Variants in SYT11 observed in about 807,000 individuals in gnomAD.
The protein encoded by SYT11 is synaptotagmin 11.
A neutral mutation model predicts 30.4 loss-of-function variants in SYT11; 12 were observed. The ratio of observed to expected loss-of-function variants is 0.39; its 90% CI spans 0.25 to 0.64. The LOEUF (loss-of-function observed/expected upper bound fraction) is 0.64, where lower values mean the gene tolerates loss of function less well. SYT11 is among the 30% of genes least tolerant of loss of function. The probability of loss-of-function intolerance (pLI) is 0.45; values close to 1 mark genes in which losing one functional copy is unlikely to be tolerated. For missense variants in SYT11, 412 were observed against 552.0 expected, an observed-to-expected ratio of 0.75 and a Z score of 2.54; for synonymous variants, 204 against 216.0, an observed-to-expected ratio of 0.94 and a Z score of 0.49.
intron 1 of SYT11, among the ~76,000 whole-genome samples, chr1:155,863,291 A>T (rs931719426): frequency 1.3e-5 from 2 of 152,000 alleles, no homozygotes; most frequent in African/African-American, 4.8e-5. Context: ...TCTCTAAAAA[A>T]AATTTTTTTT....
In SYT11 at chr1:155,868,681, C is replaced by T. The variant is rs1435097534; in HGVS notation, c.751C>T (p.Arg251Cys). The T allele has an allele frequency of 3.1e-6, 5 of 1,614,220 alleles. No homozygotes were observed. Among genetic ancestry groups the T allele is most frequent in the Non-Finnish European group, 4.2e-6 (5 of 1,180,040 alleles). Residue 251 changes from arginine to cysteine, a missense_variant, in exon 2 of 4, where the codon CGC (arginine) becomes TGC (cysteine). Transcript: ENST00000368324. This position sits in a 1 kb window ranked among gnomAD's most constrained non-coding sequence, Gnocchi z 4.7. The stretch of plus-strand genomic sequence containing the variant: ...GCACTTCCTTGTCCTCAGCTTTGAC[C>T]GCTTCTCTCGGGATGATGTCATTGG... The part of the protein sequence containing the change: ...VLHFLVLSFD[R>C]FSRDDVIGEV...
chr1:155,859,935 G>A, intron 1 of SYT11, 140 bp downstream of exon 1: 1 of 778,602 alleles, frequency 1.3e-6, no homozygotes, highest in Non-Finnish European at 2.3e-6. Context: ...CTGTGGTGGT[G>A]GGTAGTGGGT....
rs1673004775 is a variant in SYT11, at chr1:155,882,912, A to G, written c.*1404A>G. 1.3e-5 allele frequency: 2 copies of G among 152,346 alleles called. No individual in the cohort carries two copies. The highest frequency in any genetic ancestry group is 4.8e-5 in the African/African-American group (2 of 41,460). The allele number at this position is 152,346 out of a possible 1,614,324, so 9.4% of individuals were successfully genotyped here. A position where few individuals can be genotyped will look rare whatever the true frequency, so the allele number is the denominator to read the frequency against. On this transcript the variant is annotated 3_prime_UTR_variant, in exon 4 of 4. Transcript: ENST00000368324. ...TGAGGTTAGCTTTGCTTCATAAAACAGGGGCCCTCAGAAGTTCTCCTTAAA... is the reference window on the plus strand; with the variant it reads ...TGAGGTTAGCTTTGCTTCATAAAACGGGGGCCCTCAGAAGTTCTCCTTAAA...
Position 155,868,349 on chromosome 1 carries a change from C to T in SYT11, c.419C>T (p.Thr140Ile). 2 of 1,614,020 alleles carry T rather than the reference C, an allele frequency of 1.2e-6. No individual in the cohort carries two copies. The highest frequency in any genetic ancestry group is 8.5e-7 in the Non-Finnish European group (1 of 1,180,002). ...EELRSPITSL[T>I]PGESKTTSPS... ...CTAAGGAGCCCTATTACAAGCCTGA[C>T]CCCTGGGGAGAGCAAAACCACCTCT... The change falls in exon 2 of 4, where the codon ACC becomes ATC. Residue 140 changes from threonine to isoleucine, a missense_variant. Coordinates refer to ENST00000368324, the MANE Select transcript of SYT11 (RefSeq NM_152280.5). The surrounding 1 kb of genome is among the most constrained non-coding windows in gnomAD (Gnocchi z 4.7).
intron 1 of SYT11, among the ~76,000 whole-genome samples, chr1:155,865,355 C>T (rs1343015437): frequency 3.3e-5 from 5 of 151,998 alleles, no homozygotes; most frequent in Non-Finnish European, 5.9e-5. Flanking sequence ...AGGCCGGGCG[C>T]GGTGGCTCAT....
At chr1:155,876,920 G>C (rs1451948691) in intron 2 of SYT11, among the ~76,000 whole-genome samples, 1 of 151,204 alleles carries the variant, frequency 6.6e-6, no homozygotes, top group African/African-American at 2.4e-5. Context: ...TGAGTAGCTG[G>C]GGTTACAGGC....
chr1:155,874,275 A>T (rs1672825243), intron 2 of SYT11, among the ~76,000 whole-genome samples: 1 of 151,628 alleles, frequency 6.6e-6, no homozygotes, highest in Non-Finnish European at 1.5e-5. Context: ...CCCTGTCTCG[A>T]GGGGAAAAAC....
At chr1:155,870,557 T>C (rs1672765295) in intron 2 of SYT11, among the ~76,000 whole-genome samples, 1 of 152,236 alleles carries the variant, frequency 6.6e-6, no homozygotes, top group South Asian at 2.1e-4. Flanking sequence ...GAGCTCTGCC[T>C]GTGGGCAGAT....
intron 1 of SYT11, 81 bp from the exon 2 acceptor site, chr1:155,867,884 C>T: frequency 2.8e-6 from 3 of 1,064,968 alleles, no homozygotes; most frequent in Non-Finnish European, 4.1e-6. Context: ...AGCTTGGCTC[C>T]AGCAGTGGCA....
chr1:155,868,187 G>T lies in SYT11; in HGVS notation c.257G>T (p.Gly86Val). ...IKVRRDKDGP[G>V]REGGRRNLLV... ...GTGCGGAGAGACAAAGATGGTCCTGGGAGGGAAGGTGGACGTAGGAACCTG... is the reference window on the plus strand; with the variant it reads ...GTGCGGAGAGACAAAGATGGTCCTGTGAGGGAAGGTGGACGTAGGAACCTG... Residue 86 changes from glycine (G) to valine (V), a missense_variant, in exon 2 of 4, where the codon GGG becomes GTG. By Grantham distance (109) the Gly-to-Val change is moderately radical. Transcript: ENST00000368324. This position sits in a 1 kb window ranked among gnomAD's most constrained non-coding sequence, Gnocchi z 4.7. 6.2e-7 allele frequency: 1 copy of T among 1,614,132 alleles called. No individual in the cohort carries two copies. The highest frequency in any genetic ancestry group is 1.1e-5 in the South Asian group (1 of 91,072).
At chr1:155,877,055 C>T (rs1672874555) in intron 2 of SYT11, among the ~76,000 whole-genome samples, 1 of 151,752 alleles carries the variant, frequency 6.6e-6, no homozygotes, top group Admixed American at 6.6e-5. Flanking sequence ...GCAAGCTCTG[C>T]CTCCCGGGTT....
intron 2 of SYT11, among the ~76,000 whole-genome samples, chr1:155,876,964 C>CTT (rs11337901): frequency 1.7e-5 from 2 of 117,016 alleles, no homozygotes; most frequent in African/African-American, 3.1e-5. Flanking sequence ...TTTTCTATTT[C>CTT]TTTTTTTTTT....
Position 155,876,235 on chromosome 1 carries a change from C to T in SYT11, c.862-4265C>T, listed in dbSNP as rs1203078986. On this transcript the variant is annotated intron_variant, in intron 2 of 3. Coordinates refer to ENST00000368324, the MANE Select transcript of SYT11 (RefSeq NM_152280.5). ...TCTACATTCCTCAAAACTCACCTCC[C>T]TTTTTTTTTTTTTTTTTTTTTTTCT... Among the ~76,000 whole-genome samples, 40 of 96,136 alleles carry T rather than the reference C, an allele frequency of 4.2e-4. 1 individual carries two copies. The highest frequency in any genetic ancestry group is 1.6e-3 in the African/African-American group (39 of 24,842). 63.1% of individuals were successfully genotyped at this position (96,136 alleles called of 152,430 possible).
At chr1:155,866,832 A>G (rs1672684472) in intron 1 of SYT11, among the ~76,000 whole-genome samples, 1 of 152,052 alleles carries the variant, frequency 6.6e-6, no homozygotes, top group Non-Finnish European at 1.5e-5. Context: ...CCAGTGAAGG[A>G]TTTATTAAGG....
intron 2 of SYT11, among the ~76,000 whole-genome samples, chr1:155,878,365 T>C (rs1672903014): frequency 2.6e-5 from 4 of 152,168 alleles, no homozygotes. Context: ...CTTTCCAGGT[T>C]CCTGACCTAC....
rs1436532119 is a variant in SYT11 at position 155,860,419 on chromosome 1, G to A, written c.34+624G>A. On this transcript the variant is annotated intron_variant, in intron 1 of 3. Coordinates refer to ENST00000368324, the MANE Select transcript of SYT11 (RefSeq NM_152280.5). The surrounding 1 kb of genome is among the most constrained non-coding windows in gnomAD (Gnocchi z 4.1). The stretch of plus-strand genomic sequence containing the variant: ...AAGCTCCATTCCGCATCGTAATGGT[G>A]GGGTCCCTCCGATGCTACCAAATGG... Among the ~76,000 whole-genome samples, 1 of 152,240 alleles carries A rather than the reference G, an allele frequency of 6.6e-6. No individual in the cohort carries two copies. The highest frequency in any genetic ancestry group is 2.4e-5 in the African/African-American group (1 of 41,470).
chr1:155,880,491 T>TC lies in SYT11; in HGVS notation c.862-7dup, dbSNP rs1362653683. 6.2e-7 allele frequency: 1 copy of TC among 1,613,462 alleles called. No individual in the cohort carries two copies. The highest frequency in any genetic ancestry group is 1.3e-5 in the African/African-American group (1 of 74,910). ...GCCAGGATTCTCACCTGCCATTTTT[T>TC]CCTCACAGAAGTGCATCAGCAGAGG... On this transcript the variant is annotated splice_polypyrimidine_tract_variant and intron_variant, in intron 2 of 3. Transcript: ENST00000368324.
chr1:155,859,920 CG>C (rs1373092967), intron 1 of SYT11, 125 bp downstream of exon 1: 1 of 965,166 alleles, frequency 1.0e-6, no homozygotes, highest in Non-Finnish European at 1.7e-6. Context: ...CCACTAAAAT[CG>C]GGCCTGTGGT....
At chr1:155,862,682 C>A (rs1672612713) in intron 1 of SYT11, among the ~76,000 whole-genome samples, 1 of 152,192 alleles carries the variant, frequency 6.6e-6, no homozygotes, top group Non-Finnish European at 1.5e-5. Context: ...TATGATAGAG[C>A]CAAAAGAATT....
Sources: allele counts gnomAD v4.1 joint callset (sites outside exome capture counted in the v4.1 genomes callset), GRCh38; gene constraint gnomAD v4.1.1; non-coding constraint Gnocchi (gnomAD v3.1); transcripts MANE v1.5; gene names NCBI Gene and HGNC (gene_info 2026-07-23, HGNC 2026-07-21).